RERE: variants seen among roughly 807,000 people sequenced by gnomAD.
The protein encoded by RERE is arginine-glutamic acid dipeptide repeats protein.
Under a neutral mutation model 146.1 loss-of-function variants are expected in RERE, and 40 were observed. The observed-to-expected ratio is 0.27, with a 90% confidence interval of 0.21 to 0.36. The LOEUF is 0.36. Among genes scored for constraint, RERE ranks in the 10% least tolerant of loss-of-function variants. The pLI is 1.00. For missense variants in RERE, 1,933 were observed against 2,138.7 expected, an observed-to-expected ratio of 0.90 and a Z score of 1.90; for synonymous variants, 1,003 against 866.0, an observed-to-expected ratio of 1.16 and a Z score of -2.78.
rs762430449 is a variant in RERE at position 8,358,908 on chromosome 1, G to A, written c.3627C>T (p.Ser1209=). 1.3e-6 allele frequency: 2 copies of A among 1,526,958 alleles called. No individual in the cohort carries two copies. Among genetic ancestry groups the A allele is most frequent in the Non-Finnish European group, 1.8e-6 (2 of 1,139,270 alleles). The allele number at this position is 1,526,958 out of a possible 1,614,324, so 94.6% of individuals were successfully genotyped here. Residue 1209 remains serine, a synonymous_variant, in exon 20 of 23, where the codon TCC becomes TCT. Coordinates refer to ENST00000400908, the MANE Select transcript of RERE (RefSeq NM_001042681.2). ...EREAERAAKA[S]SSAHEGRLSD... The stretch of plus-strand genomic sequence containing the variant: ...TGAGGCGACCTTCATGCGCTGAGCT[G>A]GACGCCTTCTGCAGAAGGAAAAGAA...
At chr1:8,597,427 C>G (rs1646567890) in intron 4 of RERE, among the ~76,000 whole-genome samples, 1 of 152,046 alleles carries the variant, frequency 6.6e-6, no homozygotes, top group South Asian at 2.1e-4. Context: ...TTTGAATTCT[C>G]AAAGAAATTT....
At chr1:8,751,482 G>A (rs915485632) in intron 1 of RERE, among the ~76,000 whole-genome samples, 2 of 152,104 alleles carry the variant, frequency 1.3e-5, no homozygotes, top group African/African-American at 2.4e-5. Flanking sequence ...AGGGTGGAAG[G>A]GAGCAAATTC....
intron 1 of RERE, chr1:8,792,319 T>C (rs754238811): frequency 5.3e-5 from 8 of 152,224 alleles, no homozygotes; most frequent in Non-Finnish European, 4.4e-5. Flanking sequence ...TGAAATACAC[T>C]ATGTAGTTGG....
intron 6 of RERE, among the ~76,000 whole-genome samples, chr1:8,550,880 T>C (rs1211483732): frequency 6.6e-6 from 1 of 152,168 alleles, no homozygotes; most frequent in African/African-American, 2.4e-5. Flanking sequence ...TAAGGAATGG[T>C]TGGGAAACTG....
chr1:8,535,220 C>G (rs1645709531), intron 7 of RERE, among the ~76,000 whole-genome samples: 1 of 152,194 alleles, frequency 6.6e-6, no homozygotes, highest in African/African-American at 2.4e-5. Context: ...CTTCCAAGGT[C>G]ATGAAGCCAA....
intron 1 of RERE, among the ~76,000 whole-genome samples, chr1:8,776,100 T>C (rs1053373682): frequency 3.3e-5 from 5 of 152,234 alleles, no homozygotes; most frequent in Non-Finnish European, 5.9e-5. Context: ...AATTAGTACA[T>C]CGCTTCCATA....
At chr1:8,655,817 G>A (rs1638268364) in intron 2 of RERE, among the ~76,000 whole-genome samples, 156 bp downstream of exon 2, 1 of 152,088 alleles carries the variant, frequency 6.6e-6, no homozygotes, top group South Asian at 2.1e-4. Flanking sequence ...GAACCTAACT[G>A]ACCAAAAGTG....
Position 8,355,119 on chromosome 1 carries a change from G to A in RERE, c.4669C>T (p.Arg1557Ter). 1.2e-6 allele frequency: 2 copies of A among 1,613,764 alleles called. No homozygotes were observed. Among genetic ancestry groups the A allele is most frequent in the Non-Finnish European group, 1.7e-6 (2 of 1,179,862 alleles). Residue 1557 changes from arginine (R) to a stop codon, truncating the protein, a stop_gained and splice_region_variant, in exon 23 of 23, where the codon CGA (arginine) becomes TGA (stop). Transcript: ENST00000400908. LOFTEE classifies it high-confidence loss of function. ...HLPSQEDYYS[R>*]LKKEGDKQL ...TGCTTGTCACCTTCTTTCTTCAGTC[G>A]ACTGGAAAGACAAAACAGGAAAGCG...
intron 2 of RERE, among the ~76,000 whole-genome samples, chr1:8,649,818 G>C (rs1647520154): frequency 6.6e-6 from 1 of 152,022 alleles, no homozygotes; most frequent in Non-Finnish European, 1.5e-5. Flanking sequence ...AATGATGAGT[G>C]GGGGAAAATA....
chr1:8,368,000 C>A lies in RERE; in HGVS notation c.1285-2026G>T, dbSNP rs925241666. Among the ~76,000 whole-genome samples the A allele has an allele frequency of 2.6e-5, 4 of 152,198 alleles. No individual in the cohort carries two copies. In the East Asian group the frequency reaches 7.7e-4, roughly 29 times the overall value. Reference sequence around the variant, plus strand: ...ATGGAAGAGAAATCAAGGCAGGGAGCAGTCACACTCCAAATGCTCTGTCCA... The same window carrying A: ...ATGGAAGAGAAATCAAGGCAGGGAGAAGTCACACTCCAAATGCTCTGTCCA... On this transcript the variant is annotated intron_variant, in intron 12 of 22. Coordinates refer to ENST00000400908, the MANE Select transcript of RERE (RefSeq NM_001042681.2).
intron 1 of RERE, among the ~76,000 whole-genome samples, chr1:8,700,577 C>T (rs1639425512): frequency 6.6e-6 from 1 of 152,184 alleles, no homozygotes; most frequent in African/African-American, 2.4e-5. Context: ...TGCCACCCAG[C>T]CCATGGCCAA....
chr1:8,793,174 A>AAAAAAG (rs756022312), intron 1 of RERE, among the ~76,000 whole-genome samples: 14 of 127,054 alleles, frequency 1.1e-4, no homozygotes, highest in East Asian at 2.4e-4. Context: ...AAAAAAAAAA[A>AAAAAAG]AAAGAAAGAA....
In RERE at chr1:8,553,086, C is replaced by T. The variant is rs542379918; in HGVS notation, c.725+3389G>A. ...GTAGGCCAGTGTGTCCACATATACG[C>T]GTGCAACACAGCACCACTAGGCCAG... On this transcript the variant is annotated intron_variant, in intron 6 of 22. Transcript: ENST00000400908. Among the ~76,000 whole-genome samples, 14 of 148,840 alleles carry T rather than the reference C, an allele frequency of 9.4e-5. No individual in the cohort carries two copies. The South Asian group carries it at 1.1e-3, about 11-fold the overall frequency.
At chr1:8,816,333 A>G (rs11121237) in intron 1 of RERE, among the ~76,000 whole-genome samples, 34,973 of 152,174 alleles carry the variant, frequency 0.23, 4,259 homozygotes, top group Middle Eastern at 0.27. Context: ...ACAGATACTG[A>G]AACATTTAAA....
chr1:8,801,216 C>T (rs921065781), intron 1 of RERE, among the ~76,000 whole-genome samples: 1 of 151,956 alleles, frequency 6.6e-6, no homozygotes, highest in Non-Finnish European at 1.5e-5. Context: ...GCCCTGATCG[C>T]GCCACTGCAC....
intron 3 of RERE, among the ~76,000 whole-genome samples, chr1:8,619,060 G>C (rs1646888210): frequency 6.6e-6 from 1 of 152,192 alleles, no homozygotes; most frequent in Non-Finnish European, 1.5e-5. Context: ...CAACGAGAGG[G>C]ATATGGTATT....
In RERE at chr1:8,498,710, TAAAA is replaced by T. The variant is rs1220899065; in HGVS notation, c.880-1185_880-1182del. On this transcript the variant is annotated intron_variant, in intron 8 of 22. Coordinates refer to ENST00000400908, the MANE Select transcript of RERE (RefSeq NM_001042681.2). ...GACTCCATCTCAAAAAAAAAAAAAA[TAAAA>T]AAAAAAAAATAAATATATACACACA... Among the ~76,000 whole-genome samples, 26 of 68,210 alleles carry T rather than the reference TAAAA, an allele frequency of 3.8e-4. 1 individual carries two copies. The highest frequency in any genetic ancestry group is 1.2e-3 in the African/African-American group (24 of 19,686). 44.7% of individuals were successfully genotyped at this position (68,210 alleles called of 152,430 possible).
At chr1:8,677,106 G>A (rs1474972401) in intron 1 of RERE, among the ~76,000 whole-genome samples, 1 of 151,996 alleles carries the variant, frequency 6.6e-6, no homozygotes, top group Non-Finnish European at 1.5e-5. Flanking sequence ...TTTGATAAAT[G>A]CACACCATTC....
intron 11 of RERE, among the ~76,000 whole-genome samples, chr1:8,453,433 C>CAA (rs1644412020): frequency 6.6e-6 from 1 of 152,154 alleles, no homozygotes; most frequent in South Asian, 2.1e-4. Context: ...CTTCTCTAGG[C>CAA]AAAGCTCCTT....
Sources: allele counts gnomAD v4.1 joint callset (sites outside exome capture counted in the v4.1 genomes callset), GRCh38; gene constraint gnomAD v4.1.1; transcripts MANE v1.5; gene names NCBI Gene and HGNC (gene_info 2026-07-23, HGNC 2026-07-21).